ERC1: variants seen among roughly 807,000 people sequenced by gnomAD.
ERC1 encodes ELKS/RAB6-interacting/CAST family member 1, also known as RAB6 interacting protein 2.
ERC1 carries 56 observed loss-of-function variants against 132.0 expected under a neutral mutation model. The observed-to-expected ratio is 0.42, with a 90% CI of 0.34 to 0.53. The LOEUF (loss-of-function observed/expected upper bound fraction) is 0.53. Among genes scored for constraint, ERC1 ranks in the 20% least tolerant of loss-of-function variants. The pLI, the probability that ERC1 is intolerant of heterozygous loss-of-function variation, is 0.03. For synonymous variants in ERC1, 478 were observed against 476.1 expected (o/e 1.00, Z -0.05); for missense variants, 1,202 against 1,349.9 (o/e 0.89, Z 1.72).
At chr12:1,478,600 T>C (rs1239330365) in intron 18 of ERC1, among the ~76,000 whole-genome samples, 2 of 152,014 alleles carry the variant, frequency 1.3e-5, no homozygotes, top group Admixed American at 1.3e-4. Flanking sequence ...GAGACCATCC[T>C]GGCTAACACG....
intron 13 of ERC1, chr12:1,244,567 G>A (rs909519045): frequency 1.1e-5 from 5 of 452,354 alleles, no homozygotes; most frequent in Non-Finnish European, 2.2e-5. Flanking sequence ...TATGACCCAG[G>A]CAGGAGTGCA....
At position 1,179,538 on chromosome 12, in the gene ERC1, C is replaced by T. The variant is rs562772079; in HGVS notation, c.1738-1002C>T. Among the ~76,000 whole-genome samples the T allele has an allele frequency of 3.1e-3, 379 of 123,814 alleles. 1 individual carries two copies. The highest frequency in any genetic ancestry group is 0.011 in the African/African-American group (363 of 32,416). 81.2% of individuals were successfully genotyped at this position (123,814 alleles called of 152,430 possible). ...TTTTTTTTTTTTTGAGACGGAGTCT[C>T]GCTCTGTCGCCCAGGCTGGAGTGCA... On this transcript the variant is annotated intron_variant, in intron 8 of 18. Transcript: ENST00000360905.
At chr12:1,275,081 C>A (rs1274004066) in intron 14 of ERC1, among the ~76,000 whole-genome samples, 1 of 152,074 alleles carries the variant, frequency 6.6e-6, no homozygotes, top group African/African-American at 2.4e-5. Flanking sequence ...TAGGCAGAAA[C>A]CAGAATATAT....
intron 18 of ERC1, among the ~76,000 whole-genome samples, chr12:1,487,279 A>G (rs2094235148): frequency 6.6e-6 from 1 of 150,620 alleles, no homozygotes; most frequent in Non-Finnish European, 1.5e-5. Flanking sequence ...ACTCTTTGAT[A>G]TATTTAAGAA....
chr12:1,296,020 A>AAAAC (rs2079898542), intron 15 of ERC1, among the ~76,000 whole-genome samples: 1 of 150,580 alleles, frequency 6.6e-6, no homozygotes, highest in Non-Finnish European at 1.5e-5. Flanking sequence ...GAAAAAAAAA[A>AAAAC]AAAAAACAAC....
Position 1,495,126 on chromosome 12 carries a change from G to T in ERC1, c.*4896G>T. On this transcript the variant is annotated 3_prime_UTR_variant, in exon 19 of 19. Transcript: ENST00000360905. ...CACCCGACGTGGGTTCTAGCTCAGT[G>T]TGCCTAATACTGCATGGTAACCTGG... 4.3e-6 allele frequency: 1 copy of T among 230,018 alleles called. No homozygotes were observed. The allele number at this position is 230,018 out of a possible 1,614,324, so 14.2% of individuals were successfully genotyped here.
chr12:1,186,657 C>T (rs144855494), intron 11 of ERC1, among the ~76,000 whole-genome samples: 2 of 152,190 alleles, frequency 1.3e-5, no homozygotes, highest in East Asian at 3.9e-4. Flanking sequence ...CATAGGTTAA[C>T]GTATAGTTAG....
At chr12:1,369,759 T>C (rs1000645958) in intron 15 of ERC1, among the ~76,000 whole-genome samples, 1 of 152,228 alleles carries the variant, frequency 6.6e-6, no homozygotes, top group Non-Finnish European at 1.5e-5. Context: ...ATCCTCGTGG[T>C]ATAAGTTGCC....
At chr12:1,224,278 C>CGCAT (rs2074382463) in intron 12 of ERC1, among the ~76,000 whole-genome samples, 1 of 152,056 alleles carries the variant, frequency 6.6e-6, no homozygotes, top group African/African-American at 2.4e-5. Context: ...CAGACAGACA[C>CGCAT]GCATACACAG....
chr12:1,146,950 A>G (rs1388485470), intron 8 of ERC1, among the ~76,000 whole-genome samples: 1 of 152,142 alleles, frequency 6.6e-6, no homozygotes, highest in Non-Finnish European at 1.5e-5. Context: ...AAAGGACACA[A>G]ACTCATCATT....
At chr12:1,272,180 A>G (rs1432195087) in intron 14 of ERC1, among the ~76,000 whole-genome samples, 1 of 152,212 alleles carries the variant, frequency 6.6e-6, no homozygotes, top group Non-Finnish European at 1.5e-5. Flanking sequence ...CTGCCACATT[A>G]AAGAGATGGT....
At chr12:1,198,959 G>A (rs1341888456) in intron 12 of ERC1, among the ~76,000 whole-genome samples, 3 of 138,736 alleles carry the variant, frequency 2.2e-5, no homozygotes, top group Non-Finnish European at 4.6e-5. Flanking sequence ...TGAGATTTGG[G>A]TGGGGACAAA....
Position 1,492,165 on chromosome 12 carries a change from A to G in ERC1, c.*1935A>G. On this transcript the variant is annotated 3_prime_UTR_variant, in exon 19 of 19. Transcript: ENST00000360905. ...GCGTTTCTTATCGAAGGTTAAATGG[A>G]CTCTGCTCATAAACCTCTTACTGAG... The G allele has an allele frequency of 4.3e-6, 1 of 232,812 alleles. No individual in the cohort carries two copies. The highest frequency in any genetic ancestry group is 8.5e-6 in the Non-Finnish European group (1 of 117,842). 14.4% of individuals were successfully genotyped at this position (232,812 alleles called of 1,614,324 possible). A position where few individuals can be genotyped will look rare whatever the true frequency, so the allele number is the denominator to read the frequency against.
At chr12:1,243,997 C>T (rs1417299313) in intron 13 of ERC1, among the ~76,000 whole-genome samples, 1 of 152,116 alleles carries the variant, frequency 6.6e-6, no homozygotes, top group Non-Finnish European at 1.5e-5. Flanking sequence ...CCACAGTACC[C>T]AGTAATATCG....
intron 16 of ERC1, among the ~76,000 whole-genome samples, chr12:1,393,203 G>A (rs2090126527): frequency 6.6e-6 from 1 of 152,208 alleles, no homozygotes; most frequent in South Asian, 2.1e-4. Context: ...TTTGTAAAAA[G>A]AAAAGATAAA....
intron 2 of ERC1, among the ~76,000 whole-genome samples, chr12:1,038,746 A>G (rs1022320333): frequency 2.0e-5 from 3 of 152,224 alleles, no homozygotes; most frequent in African/African-American, 7.2e-5. Context: ...GAGGGCATAA[A>G]TGATGTAATA....
chr12:1,353,308 G>A (rs1258600852), intron 15 of ERC1, among the ~76,000 whole-genome samples: 1 of 152,028 alleles, frequency 6.6e-6, no homozygotes, highest in African/African-American at 2.4e-5. Context: ...GGGATTACAG[G>A]CGTGAGCCAC....
chr12:1,030,502 T>C (rs1967818226), intron 2 of ERC1, among the ~76,000 whole-genome samples: 2 of 152,038 alleles, frequency 1.3e-5, no homozygotes, highest in African/African-American at 4.8e-5. Flanking sequence ...AGGGTGCGGA[T>C]TGGTTAAGGC....
At chr12:1,263,790 A>C (rs902099205) in intron 14 of ERC1, among the ~76,000 whole-genome samples, 2 of 151,946 alleles carry the variant, frequency 1.3e-5, no homozygotes, top group African/African-American at 4.8e-5. Flanking sequence ...CCCGGGTTCA[A>C]GTGATTCTCC....
Sources: gnomAD v4.1 joint callset for allele counts (sites outside exome capture counted in the v4.1 genomes callset) on GRCh38, gnomAD v4.1.1 for gene constraint, MANE v1.5 for transcripts, NCBI Gene and HGNC (gene_info 2026-07-23, HGNC 2026-07-21) for gene names.